The following MSI2 variants were observed in gnomAD, a reference collection of about 807,000 sequenced individuals.
The protein encoded by MSI2 is RNA-binding protein Musashi homolog 2.
Under a neutral mutation model 45.6 loss-of-function variants are expected in MSI2, and 17 were observed. The observed-to-expected ratio is 0.37, with a 90% CI of 0.26 to 0.56. The LOEUF is 0.56. Ranked by LOEUF, MSI2 falls within the 20% of genes least tolerant of loss-of-function variation. MSI2 has a pLI of 0.77. For missense variants in MSI2, 293 were observed against 444.2 expected (o/e 0.66, Z 3.06); for synonymous variants, 156 against 158.2 (o/e 0.99, Z 0.11).
At chr17:57,559,634 C>T (rs2087525119) in intron 7 of MSI2, among the ~76,000 whole-genome samples, 1 of 152,262 alleles carries the variant, frequency 6.6e-6, no homozygotes, top group Non-Finnish European at 1.5e-5. Context: ...AGTGAGGGGA[C>T]TGTGTGGGAC....
At chr17:57,538,401 A>T (rs1439278373) in intron 7 of MSI2, among the ~76,000 whole-genome samples, 2 of 152,186 alleles carry the variant, frequency 1.3e-5, no homozygotes, top group Non-Finnish European at 2.9e-5. Context: ...TCAGCATGGT[A>T]TGCTGCAAAG....
chr17:57,341,564 C>G (rs1915163665), intron 5 of MSI2, among the ~76,000 whole-genome samples: 1 of 152,184 alleles, frequency 6.6e-6, no homozygotes, highest in African/African-American at 2.4e-5. Context: ...AAGGTGAGCC[C>G]TCCTCTTTCA....
At chr17:57,587,271 G>A (rs1352080340) in intron 7 of MSI2, among the ~76,000 whole-genome samples, 2 of 151,440 alleles carry the variant, frequency 1.3e-5, no homozygotes, top group African/African-American at 2.4e-5. Flanking sequence ...ACTAAAGCCT[G>A]ATGAAACACT....
intron 5 of MSI2, among the ~76,000 whole-genome samples, chr17:57,377,930 C>T (rs2083527768): frequency 6.6e-6 from 1 of 152,032 alleles, no homozygotes; most frequent in Non-Finnish European, 1.5e-5. Flanking sequence ...AAAAAATTAG[C>T]CAGGCGTGGT....
At chr17:57,548,709 G>A (rs34073937) in intron 7 of MSI2, among the ~76,000 whole-genome samples, 5,209 of 152,134 alleles carry the variant, frequency 0.034, 122 homozygotes, top group Non-Finnish European at 0.051. Flanking sequence ...GGTGCAGAGG[G>A]AGAGGGTTTG....
intron 8 of MSI2, among the ~76,000 whole-genome samples, chr17:57,599,115 G>A (rs939340281): frequency 6.6e-6 from 1 of 152,246 alleles, no homozygotes; most frequent in South Asian, 2.1e-4. Flanking sequence ...ACTGGCAGAT[G>A]CCATTCCTGT....
chr17:57,655,939 G>A (rs535758339), intron 11 of MSI2, among the ~76,000 whole-genome samples: 1 of 152,104 alleles, frequency 6.6e-6, no homozygotes, highest in Non-Finnish European at 1.5e-5. Flanking sequence ...CTGTTGTCCA[G>A]TAAAACATTT....
intron 10 of MSI2, among the ~76,000 whole-genome samples, chr17:57,637,415 TTAA>T (rs1193929040): frequency 6.6e-6 from 1 of 152,220 alleles, no homozygotes; most frequent in Non-Finnish European, 1.5e-5. Context: ...TAATAGGCAC[TTAA>T]TAAACGTTTG....
chr17:57,565,673 AC>A (rs57017261), intron 7 of MSI2, among the ~76,000 whole-genome samples: 73,266 of 151,880 alleles, frequency 0.48, 18,527 homozygotes, highest in African/African-American at 0.65. Context: ...CTCGACTAAC[AC>A]CCATGCCTGG....
At chr17:57,275,423 G>C (rs377074117) in intron 5 of MSI2, among the ~76,000 whole-genome samples, 17 of 152,314 alleles carry the variant, frequency 1.1e-4, no homozygotes, top group African/African-American at 4.1e-4. Flanking sequence ...TTTTGCTTGG[G>C]GATATGGAAT....
chr17:57,443,037 T>C (rs770503708), intron 6 of MSI2, among the ~76,000 whole-genome samples: 3 of 152,178 alleles, frequency 2.0e-5, no homozygotes, highest in Non-Finnish European at 4.4e-5. Flanking sequence ...GCTGGGGGCT[T>C]CAGGGCTCTG....
intron 7 of MSI2, among the ~76,000 whole-genome samples, chr17:57,550,509 G>T (rs961133529): frequency 3.3e-5 from 5 of 152,112 alleles, no homozygotes; most frequent in African/African-American, 1.2e-4. Flanking sequence ...GTTTGGATTT[G>T]GGGGGGTCAC....
At chr17:57,498,528 C>A (rs886741225) in intron 6 of MSI2, among the ~76,000 whole-genome samples, 1 of 152,188 alleles carries the variant, frequency 6.6e-6, no homozygotes, top group Admixed American at 6.5e-5. Flanking sequence ...GACCCCAGTA[C>A]CAAAATGTGG....
intron 6 of MSI2, among the ~76,000 whole-genome samples, chr17:57,435,605 C>A (rs1207652270): frequency 3.3e-5 from 5 of 152,158 alleles, no homozygotes; most frequent in Admixed American, 2.6e-4. Flanking sequence ...TGTCTTCCTC[C>A]CCTGAGCTAC....
chr17:57,390,169 T>C (rs2083761970), intron 5 of MSI2, among the ~76,000 whole-genome samples: 1 of 152,070 alleles, frequency 6.6e-6, no homozygotes, highest in Non-Finnish European at 1.5e-5. Flanking sequence ...GATGGGAGGA[T>C]TACTGGAGCT....
intron 5 of MSI2, among the ~76,000 whole-genome samples, chr17:57,335,247 T>C (rs557591331): frequency 1.0e-4 from 15 of 149,592 alleles, no homozygotes; most frequent in African/African-American, 3.4e-4. Flanking sequence ...ATATAGTAAC[T>C]GGTGGATGTT....
At chr17:57,610,267 G>A (rs1907109098) in intron 8 of MSI2, among the ~76,000 whole-genome samples, 1 of 152,158 alleles carries the variant, frequency 6.6e-6, no homozygotes, top group South Asian at 2.1e-4. Flanking sequence ...CCTGGCCAAT[G>A]TGGTGAAACC....
At chr17:57,582,480 A>T (rs1281796731) in intron 7 of MSI2, among the ~76,000 whole-genome samples, 5 of 152,196 alleles carry the variant, frequency 3.3e-5, no homozygotes, top group Admixed American at 6.5e-5. Context: ...TGCTGGTTTT[A>T]AAAAAGAATT....
intron 5 of MSI2, among the ~76,000 whole-genome samples, chr17:57,310,488 C>T (rs1056122737): frequency 2.0e-5 from 3 of 152,090 alleles, no homozygotes; most frequent in Admixed American, 1.3e-4. Flanking sequence ...CACACAACAC[C>T]GCTCCCAGCT....
Sources: gnomAD v4.1 joint callset for allele counts (sites outside exome capture counted in the v4.1 genomes callset) on GRCh38, gnomAD v4.1.1 for gene constraint, MANE v1.5 for transcripts, NCBI Gene and HGNC (gene_info 2026-07-23, HGNC 2026-07-21) for gene names.